The following MRPS25 variants were observed in gnomAD, a reference collection of about 807,000 sequenced individuals.
MRPS25 encodes small ribosomal subunit protein mS25.
In MRPS25, 15 loss-of-function variants were observed where a neutral mutation model predicts 17.3. That is an observed-to-expected ratio of 0.87 (90% CI 0.58 to 1.34). The LOEUF (loss-of-function observed/expected upper bound fraction) is 1.34. MRPS25 is among the 40% of genes most tolerant of loss of function. The pLI is 0.00. For missense variants in MRPS25, 225 were observed against 218.6 expected (o/e 1.03, Z -0.19); for synonymous variants, 94 against 83.3 (o/e 1.13, Z -0.70).
At chr3:15,044,140 C>T (rs2042369207), downstream of MRPS25, 1 of 152,254 alleles carries the variant, frequency 6.6e-6, no homozygotes, top group Non-Finnish European at 1.5e-5. Context: ...TGGGGCTGGG[C>T]AGGAGCCTGC....
chr3:15,045,793 C>T (rs530412583), downstream of MRPS25: 9 of 152,680 alleles, frequency 5.9e-5, no homozygotes, highest in Non-Finnish European at 1.2e-4. Flanking sequence ...TGAGACCTGT[C>T]CTCTGGCTAC....
intron 2 of MRPS25, among the ~76,000 whole-genome samples, chr3:15,056,836 G>A (rs2042679104): frequency 6.6e-6 from 1 of 152,210 alleles, no homozygotes; most frequent in South Asian, 2.1e-4. Flanking sequence ...AACAATATCA[G>A]CATGAGCGAG....
At chr3:15,053,275 T>C in intron 3 of MRPS25, 105 bp downstream of exon 3, 1 of 1,559,904 alleles carries the variant, frequency 6.4e-7, no homozygotes, top group South Asian at 1.2e-5. Flanking sequence ...TGGCGTTCAC[T>C]GTCAGAGAAT....
Position 15,049,873 on chromosome 3 carries a change from G to A in MRPS25, c.*2568C>T. Reference sequence around the variant, plus strand: ...GGGCTCAAGTGATCCTCCTGCCTCAGCCTCCTGAGTAACTGGGACCACAGC... The same window carrying A: ...GGGCTCAAGTGATCCTCCTGCCTCAACCTCCTGAGTAACTGGGACCACAGC... On this transcript the variant is annotated 3_prime_UTR_variant, in exon 4 of 4. Transcript: ENST00000253686. 6.7e-7 allele frequency: 1 copy of A among 1,486,568 alleles called. No homozygotes were observed. Among genetic ancestry groups the A allele is most frequent in the Non-Finnish European group, 9.1e-7 (1 of 1,103,662 alleles). 92.1% of individuals were successfully genotyped at this position (1,486,568 alleles called of 1,614,324 possible).
At chr3:15,048,021 CAT>C (rs1290813073), downstream of MRPS25, 1 of 152,596 alleles carries the variant, frequency 6.6e-6, no homozygotes, top group Admixed American at 6.5e-5. Flanking sequence ...AGTAGTTGCT[CAT>C]AGACCTGGGA....
intron 1 of MRPS25, among the ~76,000 whole-genome samples, chr3:15,061,920 T>G (rs1230738506): frequency 1.5e-5 from 2 of 137,254 alleles, no homozygotes; most frequent in Non-Finnish European, 3.1e-5. Flanking sequence ...GTCTGAGAAG[T>G]GAGGAGCCCC....
intron 1 of MRPS25, among the ~76,000 whole-genome samples, chr3:15,062,712 T>C (rs1037639066): frequency 6.6e-6 from 1 of 152,170 alleles, no homozygotes; most frequent in Non-Finnish European, 1.5e-5. Flanking sequence ...CTTTTCATTT[T>C]GTTCTGTACT....
chr3:15,062,116 G>A lies in MRPS25; in HGVS notation c.135-2641C>T, dbSNP rs551878212. Among the ~76,000 whole-genome samples the A allele has an allele frequency of 8.3e-4, 111 of 133,654 alleles. 1 individual carries two copies. Among genetic ancestry groups the A allele is most frequent in the African/African-American group, 2.9e-3 (101 of 34,680 alleles). The allele number at this position is 133,654 out of a possible 152,430, so 87.7% of individuals were successfully genotyped here. On this transcript the variant is annotated intron_variant, in intron 1 of 3. Coordinates refer to ENST00000253686, the MANE Select transcript of MRPS25 (RefSeq NM_022497.5). ...AGGGGGCTCAGCCGCCCGGCCAGCC[G>A]CCCCATCCGGGAGGGAGTGCGGCGG...
At position 15,052,233 on chromosome 3, in the gene MRPS25, C is replaced by T. The variant is rs2042615002; in HGVS notation, c.*208G>A. 3 of 1,300,104 alleles carry T rather than the reference C, an allele frequency of 2.3e-6. No individual in the cohort carries two copies. Among genetic ancestry groups the T allele is most frequent in the Non-Finnish European group, 2.9e-6 (3 of 1,026,246 alleles). The allele number at this position is 1,300,104 out of a possible 1,614,324, so 80.5% of individuals were successfully genotyped here. ...TGCTATTAGGAAGCGTTTTATTGAC[C>T]AGCAGAGCAGGGATATTCATTTAGC... On this transcript the variant is annotated 3_prime_UTR_variant, in exon 4 of 4. Coordinates refer to ENST00000253686, the MANE Select transcript of MRPS25 (RefSeq NM_022497.5).
intron 1 of MRPS25, among the ~76,000 whole-genome samples, chr3:15,064,409 G>A (rs1259396770): frequency 4.6e-5 from 7 of 152,166 alleles, no homozygotes; most frequent in African/African-American, 1.7e-4. Flanking sequence ...GGTAGGGTCT[G>A]CCGCTGCACA....
chr3:15,048,372 G>C (rs777294697), downstream of MRPS25: 11 of 152,548 alleles, frequency 7.2e-5, no homozygotes, highest in Non-Finnish European at 1.6e-4. Context: ...GTTTCCTTTG[G>C]GGCTATTTAG....
downstream of MRPS25, chr3:15,046,397 A>G (rs964322643): frequency 1.1e-4 from 16 of 152,256 alleles, no homozygotes; most frequent in African/African-American, 3.9e-4. Flanking sequence ...CGCTACACAC[A>G]TACTTATTAG....
At chr3:15,058,675 G>T (rs1174027092) in intron 2 of MRPS25, among the ~76,000 whole-genome samples, 1 of 152,176 alleles carries the variant, frequency 6.6e-6, no homozygotes. Context: ...GTTTCCTGAA[G>T]CATTTCCCAA....
chr3:15,052,368 G>A lies in MRPS25; in HGVS notation c.*73C>T. 9.1e-6 allele frequency: 14 copies of A among 1,540,110 alleles called. No homozygotes were observed. The highest frequency in any genetic ancestry group is 2.0e-5 in the Admixed American group (1 of 49,072). ...CAGGGACAGAACCAGGGGCTTCCCTGGGCCAAAGTAATCCCATTCCAATCT... is the reference window on the plus strand; with the variant it reads ...CAGGGACAGAACCAGGGGCTTCCCTAGGCCAAAGTAATCCCATTCCAATCT... On this transcript the variant is annotated 3_prime_UTR_variant, in exon 4 of 4. Transcript: ENST00000253686.
In MRPS25 at chr3:15,049,062, T is replaced by C. The variant is rs768668248; in HGVS notation, c.*3379A>G. Reference sequence around the variant, plus strand: ...TGTTTATGTGATGGCATTTAAAAAATAGCATGTTCTTTTTAAACTGAATTT... The same window carrying C: ...TGTTTATGTGATGGCATTTAAAAAACAGCATGTTCTTTTTAAACTGAATTT... On this transcript the variant is annotated 3_prime_UTR_variant, in exon 4 of 4. Transcript: ENST00000253686. 5 of 152,660 alleles carry C rather than the reference T, an allele frequency of 3.3e-5. No homozygotes were observed. Among genetic ancestry groups the C allele is most frequent in the Non-Finnish European group, 7.3e-5 (5 of 68,030 alleles). The allele number at this position is 152,660 out of a possible 1,614,324, so 9.5% of individuals were successfully genotyped here.
intron 2 of MRPS25, among the ~76,000 whole-genome samples, chr3:15,057,935 C>T (rs1241489613): frequency 6.6e-6 from 1 of 151,724 alleles, no homozygotes; most frequent in Admixed American, 6.6e-5. Flanking sequence ...CCCAGGCTGG[C>T]GTGCAGTGGT....
intron 2 of MRPS25, among the ~76,000 whole-genome samples, chr3:15,054,503 C>A (rs1417720603): frequency 6.6e-6 from 1 of 152,154 alleles, no homozygotes; most frequent in Non-Finnish European, 1.5e-5. Flanking sequence ...GATCGTGCTA[C>A]TGCACTCTAG....
rs2042586590 is a variant in MRPS25, at chr3:15,050,412, T to C, written c.*2029A>G. ...TTTTGGTTCAGGACATTCCTGCTGGTTAGCAGCCTCTTTGGGCCCTAGAGG... is the reference window on the plus strand; with the variant it reads ...TTTTGGTTCAGGACATTCCTGCTGGCTAGCAGCCTCTTTGGGCCCTAGAGG... On this transcript the variant is annotated 3_prime_UTR_variant, in exon 4 of 4. Transcript: ENST00000253686. 6 of 1,004,300 alleles carry C rather than the reference T, an allele frequency of 6.0e-6. No individual in the cohort carries two copies. The highest frequency in any genetic ancestry group is 8.5e-5 in the South Asian group (2 of 23,538). The allele number at this position is 1,004,300 out of a possible 1,614,324, so 62.2% of individuals were successfully genotyped here. A position where few individuals can be genotyped will look rare whatever the true frequency, so the allele number is the denominator to read the frequency against.
chr3:15,055,532 C>G (rs187815151), intron 2 of MRPS25, among the ~76,000 whole-genome samples: 158 of 152,234 alleles, frequency 1.0e-3, no homozygotes, highest in African/African-American at 3.7e-3. Flanking sequence ...ATATTACTGC[C>G]ACATTAGCCA....
Sources: allele counts gnomAD v4.1 joint callset (sites outside exome capture counted in the v4.1 genomes callset), GRCh38; gene constraint gnomAD v4.1.1; transcripts MANE v1.5; gene names NCBI Gene and HGNC (gene_info 2026-07-23, HGNC 2026-07-21).